The following CEP128 variants were observed in gnomAD, a reference collection of about 807,000 sequenced individuals.
The protein encoded by CEP128 is centrosomal protein 128kDa.
A neutral mutation model predicts 156.7 loss-of-function variants in CEP128; 132 were observed. The ratio of observed to expected loss-of-function variants is 0.84; its 90% CI spans 0.73 to 0.97. The LOEUF is 0.97. Ranked by LOEUF, CEP128 falls within the 50% of genes least tolerant of loss-of-function variation. CEP128 has a pLI of 0.00. For missense variants in CEP128, 1,252 were observed against 1,281.9 expected, an observed-to-expected ratio of 0.98 and a Z score of 0.36; for synonymous variants, 469 against 448.9, an observed-to-expected ratio of 1.04 and a Z score of -0.57.
intron 19 of CEP128, among the ~76,000 whole-genome samples, chr14:80,698,071 A>C (rs919963996): frequency 1.3e-5 from 2 of 152,158 alleles, no homozygotes; most frequent in East Asian, 3.9e-4. Context: ...TATTATATTA[A>C]ATTTATCATC....
chr14:80,647,638 A>C (rs1435172513), intron 19 of CEP128, among the ~76,000 whole-genome samples: 1 of 152,146 alleles, frequency 6.6e-6, no homozygotes, highest in East Asian at 1.9e-4. Context: ...CAAGGTATGA[A>C]GACATTTCTG....
chr14:80,534,530 T>G (rs1889386739), intron 21 of CEP128, among the ~76,000 whole-genome samples: 1 of 152,116 alleles, frequency 6.6e-6, no homozygotes, highest in Admixed American at 6.5e-5. Context: ...AAGTCCCCAC[T>G]GTTAAGGGAG....
At chr14:80,725,346 C>A (rs1238431654) in intron 19 of CEP128, among the ~76,000 whole-genome samples, 1 of 151,828 alleles carries the variant, frequency 6.6e-6, no homozygotes, top group Non-Finnish European at 1.5e-5. Flanking sequence ...TGACGCCCGG[C>A]TAATTTTTGT....
intron 19 of CEP128, among the ~76,000 whole-genome samples, chr14:80,716,424 A>T (rs996648914): frequency 2.6e-5 from 4 of 152,192 alleles, no homozygotes; most frequent in Admixed American, 1.3e-4. Flanking sequence ...CTATTTCTTA[A>T]TGATGATATA....
At chr14:80,882,864 T>C (rs1888616074) in intron 8 of CEP128, among the ~76,000 whole-genome samples, 1 of 151,872 alleles carries the variant, frequency 6.6e-6, no homozygotes, top group African/African-American at 2.4e-5. Flanking sequence ...ATTGATCTCA[T>C]GGAGATAAAG....
intron 8 of CEP128, among the ~76,000 whole-genome samples, chr14:80,888,400 A>G (rs1888917032): frequency 6.6e-6 from 1 of 152,208 alleles, no homozygotes; most frequent in African/African-American, 2.4e-5. Context: ...TGGCAAACCA[A>G]ACCCAGCAGC....
chr14:80,944,941 G>A (rs186808064), upstream of CEP128, among the ~76,000 whole-genome samples: 99 of 150,094 alleles, frequency 6.6e-4, 1 homozygote, highest in African/African-American at 2.3e-3. Context: ...TCATAGCAGG[G>A]TGAAAACAAA....
chr14:80,585,393 G>A (rs547375161), intron 19 of CEP128, among the ~76,000 whole-genome samples: 25 of 152,166 alleles, frequency 1.6e-4, no homozygotes, highest in Admixed American at 1.6e-3. Flanking sequence ...CAGATAGATT[G>A]TTTGTTTATT....
chr14:80,737,745 C>A (rs141953334), intron 19 of CEP128, among the ~76,000 whole-genome samples: 2,260 of 152,078 alleles, frequency 0.015, 22 homozygotes, highest in Non-Finnish European at 0.023. Flanking sequence ...AAAACATTAG[C>A]CAGGCATGGT....
intron 21 of CEP128, among the ~76,000 whole-genome samples, chr14:80,533,278 T>A (rs1302438911): frequency 6.6e-6 from 1 of 152,082 alleles, no homozygotes; most frequent in East Asian, 1.9e-4. Context: ...TTGCATAAAA[T>A]CCTCTTCATA....
intron 24 of CEP128, 71 bp from the exon 25 acceptor site, chr14:80,497,653 C>A (rs1166766303): frequency 2.0e-5 from 19 of 941,670 alleles, no homozygotes; most frequent in Non-Finnish European, 3.0e-5. Flanking sequence ...ATTAATTTTG[C>A]AGAAGGTAGT....
At chr14:80,762,753 T>A (rs1230045638) in intron 16 of CEP128, among the ~76,000 whole-genome samples, 2 of 152,156 alleles carry the variant, frequency 1.3e-5, no homozygotes, top group African/African-American at 2.4e-5. Flanking sequence ...CCAGACCACA[T>A]CTGACTTGTA....
chr14:80,477,954 ACCC>A (rs1166193497), exon 15 of CEP128: 2 of 151,842 alleles, frequency 1.3e-5, no homozygotes, highest in Non-Finnish European at 2.9e-5. Context: ...CATGAAATCC[ACCC>A]CCAACTTCCA....
At chr14:80,518,621 G>GT (rs2140240089) in intron 23 of CEP128, among the ~76,000 whole-genome samples, 1 of 152,184 alleles carries the variant, frequency 6.6e-6, no homozygotes, top group African/African-American at 2.4e-5. Flanking sequence ...AATTCTATCA[G>GT]TTTTTTCTTC....
At position 80,792,372 on chromosome 14, in the gene CEP128, A is replaced by T. The variant is rs370665498; in HGVS notation, c.1560+388T>A. Among the ~76,000 whole-genome samples, 31 of 152,348 alleles carry T rather than the reference A, an allele frequency of 2.0e-4. 5 individuals are homozygous for T. The highest frequency in any genetic ancestry group is 8.5e-4 in the Admixed American group (13 of 15,308). On this transcript the variant is annotated intron_variant, in intron 14 of 24. Transcript: ENST00000555265. ...TTCTAACCAATACCTAGTTGAAAAT[A>T]TATAAATAAATGAGATTTTAAAATA...
chr14:80,870,601 A>ACC (rs1342327332), intron 8 of CEP128, among the ~76,000 whole-genome samples: 8 of 152,234 alleles, frequency 5.3e-5, no homozygotes, highest in Middle Eastern at 3.4e-3. Flanking sequence ...TTATTTTAGC[A>ACC]TAATAAAGGC....
Position 80,779,543 on chromosome 14 carries a change from C to T in CEP128, c.2212-1497G>A, listed in dbSNP as rs1362215100. Among the ~76,000 whole-genome samples the T allele has an allele frequency of 3.3e-5, 5 of 152,136 alleles. No homozygotes were observed. The East Asian group carries it at 9.6e-4, about 29-fold the overall frequency. On this transcript the variant is annotated intron_variant, in intron 15 of 24. Transcript: ENST00000555265. The stretch of plus-strand genomic sequence containing the variant: ...CATAGGTAAATACAAAGAATTCCCC[C>T]TAAAGTCTGTAGTGTGCTGCAGCCA...
chr14:80,541,936 C>A (rs1889781877), intron 21 of CEP128, among the ~76,000 whole-genome samples: 1 of 152,110 alleles, frequency 6.6e-6, no homozygotes, highest in South Asian at 2.1e-4. Context: ...AGAAAAGTTC[C>A]TGATCCCTCT....
intron 7 of CEP128, among the ~76,000 whole-genome samples, chr14:80,897,680 A>C (rs1404999020): frequency 6.6e-6 from 1 of 152,122 alleles, no homozygotes; most frequent in Non-Finnish European, 1.5e-5. Flanking sequence ...AGTATCTTCA[A>C]ACAAACCCCT....
Sources: allele counts gnomAD v4.1 joint callset (sites outside exome capture counted in the v4.1 genomes callset), GRCh38; gene constraint gnomAD v4.1.1; transcripts MANE v1.5; gene names NCBI Gene and HGNC (gene_info 2026-07-23, HGNC 2026-07-21).